MARCHF8: variants seen among roughly 807,000 people sequenced by gnomAD.
The protein encoded by MARCHF8 is membrane associated ring-CH-type finger 8, also known as E3 ubiquitin-protein ligase MARCHF8.
MARCHF8 carries 40 observed loss-of-function variants against 51.6 expected under a neutral mutation model. The observed-to-expected ratio is 0.77, with a 90% CI of 0.60 to 1.01. MARCHF8 has a LOEUF of 1.01. MARCHF8 is among the 50% of genes least tolerant of loss of function. The pLI is 0.00. For missense variants in MARCHF8, 685 were observed against 708.6 expected (o/e 0.97, Z 0.38); for synonymous variants, 263 against 280.3 (o/e 0.94, Z 0.62).
chr10:45,557,343 G>C (rs558267780), intron 1 of MARCHF8, among the ~76,000 whole-genome samples: 1 of 151,874 alleles, frequency 6.6e-6, no homozygotes, highest in East Asian at 1.9e-4. Context: ...TGGCCAGGCT[G>C]GTCTTGAACT....
chr10:45,488,876 C>T (rs1259874956), intron 3 of MARCHF8, among the ~76,000 whole-genome samples: 1 of 152,150 alleles, frequency 6.6e-6, no homozygotes, highest in Admixed American at 6.5e-5. Flanking sequence ...GCCTTCACCC[C>T]TTGTTCAGTT....
At chr10:45,526,804 A>G (rs2043801922) in intron 2 of MARCHF8, among the ~76,000 whole-genome samples, 2 of 152,192 alleles carry the variant, frequency 1.3e-5, no homozygotes, top group South Asian at 2.1e-4. Flanking sequence ...AAGCTACCCA[A>G]CAATCACAGA....
chr10:45,572,153 GGC>G (rs766177931), intron 1 of MARCHF8, among the ~76,000 whole-genome samples: 4,611 of 144,794 alleles, frequency 0.032, 239 homozygotes, highest in Middle Eastern at 0.036. Context: ...TTTCCTGGGG[GGC>G]AAGCACCCCT....
intron 6 of MARCHF8, 52 bp from the exon 7 acceptor site, chr10:45,459,319 G>A: frequency 6.3e-7 from 1 of 1,594,488 alleles, no homozygotes; most frequent in Non-Finnish European, 8.5e-7. Context: ...AAGGGCTCCG[G>A]TGGGGTGAGA....
In MARCHF8 at chr10:45,461,338, C is replaced by T. The variant is rs764974517; in HGVS notation, c.1162G>A (p.Val388Met). ...PCHCTGSLHF[V>M]HQACLQQWIK... Reference sequence around the variant, plus strand: ...CACTGCTGCAGGCAGGCCTGGTGCACGAAGTGGAGGCTTCCTGTGCAGTGG... The same window carrying T: ...CACTGCTGCAGGCAGGCCTGGTGCATGAAGTGGAGGCTTCCTGTGCAGTGG... The change falls in exon 6 of 8, where the codon GTG becomes ATG. Residue 388 changes from valine (V) to methionine (M), a missense_variant. Physicochemically the swap from Val to Met is conservative, Grantham distance 21 (BLOSUM62 1). Coordinates refer to ENST00000453424, the MANE Select transcript of MARCHF8 (RefSeq NM_001282866.2). 1.8e-5 allele frequency: 29 copies of T among 1,607,254 alleles called. No homozygotes were observed. The highest frequency in any genetic ancestry group is 2.2e-5 in the Non-Finnish European group (26 of 1,177,308).
intron 4 of MARCHF8, 50 bp downstream of exon 4, chr10:45,464,189 T>C (rs1215385508): frequency 1.9e-6 from 3 of 1,592,564 alleles, no homozygotes; most frequent in Non-Finnish European, 2.6e-6. Context: ...ACACTAATGC[T>C]TATTTCTGGC....
intron 1 of MARCHF8, among the ~76,000 whole-genome samples, chr10:45,563,112 C>G (rs2044328874): frequency 1.3e-5 from 2 of 152,082 alleles, no homozygotes; most frequent in African/African-American, 4.8e-5. Flanking sequence ...CTGCAGCCTC[C>G]AACTCCTGGG....
At chr10:45,485,483 T>C (rs946069840) in intron 3 of MARCHF8, among the ~76,000 whole-genome samples, 1 of 152,138 alleles carries the variant, frequency 6.6e-6, no homozygotes, top group Non-Finnish European at 1.5e-5. Context: ...TTCTATTAAC[T>C]CCTTAAGGGG....
At chr10:45,506,989 C>G (rs11239542) in intron 2 of MARCHF8, among the ~76,000 whole-genome samples, 1 of 152,124 alleles carries the variant, frequency 6.6e-6, no homozygotes, top group Non-Finnish European at 1.5e-5. Flanking sequence ...ATTTTTGCCA[C>G]TCTTGAGACT....
At chr10:45,474,030 T>C (rs2042742357) in intron 3 of MARCHF8, among the ~76,000 whole-genome samples, 1 of 152,206 alleles carries the variant, frequency 6.6e-6, no homozygotes, top group Non-Finnish European at 1.5e-5. Context: ...CCTAAGCTCC[T>C]TACTGTTCCC....
chr10:45,464,263 G>A lies in MARCHF8; in HGVS notation c.218C>T (p.Thr73Met), dbSNP rs777790919. 1.9e-6 allele frequency: 3 copies of A among 1,614,186 alleles called. No homozygotes were observed. Among genetic ancestry groups the A allele is most frequent in the Middle Eastern group, 1.6e-4 (1 of 6,062 alleles). ...CCTGCAGATGTCCTGGCTGGATGGC[G>A]TGATAGAAGTGCGAGAGAAGGAGGA... ...PVSSFSRTSI[T>M]PSSQDICSSS... is the part of the protein sequence containing the mutation. Residue 73 changes from threonine to methionine, a missense_variant, in exon 4 of 8, where the codon ACG becomes ATG. By Grantham distance (81) the Thr-to-Met change is moderately conservative. Transcript: ENST00000453424.
intron 2 of MARCHF8, among the ~76,000 whole-genome samples, chr10:45,495,129 AAAAAG>A (rs905317544): frequency 6.6e-6 from 1 of 152,124 alleles, no homozygotes; most frequent in African/African-American, 2.4e-5. Flanking sequence ...TCAAAAAAAA[AAAAAG>A]AAAAGAAAAA....
At chr10:45,476,949 A>C (rs950926439) in intron 3 of MARCHF8, among the ~76,000 whole-genome samples, 1 of 152,228 alleles carries the variant, frequency 6.6e-6, no homozygotes, top group African/African-American at 2.4e-5. Context: ...ACAAAATAAT[A>C]GCTGCAAACT....
chr10:45,527,332 T>C (rs2043810248), intron 2 of MARCHF8, among the ~76,000 whole-genome samples: 1 of 152,020 alleles, frequency 6.6e-6, no homozygotes, highest in African/African-American at 2.4e-5. Context: ...AACAAAAAGT[T>C]GCTTCACTGA....
intron 1 of MARCHF8, among the ~76,000 whole-genome samples, chr10:45,589,700 T>C (rs1443262118): frequency 6.6e-6 from 1 of 152,212 alleles, no homozygotes; most frequent in African/African-American, 2.4e-5. Context: ...TTTTATCACT[T>C]AGAATGTTTT....
exon 1 of MARCHF8, chr10:45,594,603 A>ACCCAGCCCAGCCCAGCCCAGCCCAG (rs61367647): frequency 2.7e-5 from 3 of 112,758 alleles, no homozygotes; most frequent in Non-Finnish European, 3.9e-5. Context: ...GGCCGCCCCC[A>ACCCAGCCCAGCCCAGCCCAGCCCAG]CCCAGCCCAG....
intron 3 of MARCHF8, among the ~76,000 whole-genome samples, chr10:45,472,338 T>G (rs1433929216): frequency 6.6e-6 from 1 of 152,230 alleles, no homozygotes; most frequent in Non-Finnish European, 1.5e-5. Context: ...CTGTTGCTGA[T>G]TGGTCTGGTA....
At chr10:45,551,936 T>A (rs1311514440) in intron 1 of MARCHF8, among the ~76,000 whole-genome samples, 1 of 152,142 alleles carries the variant, frequency 6.6e-6, no homozygotes, top group South Asian at 2.1e-4. Context: ...ATAGTTTAGA[T>A]CATTCCTTGC....
In MARCHF8 at chr10:45,457,559, G is replaced by C. The variant is rs1247006576; in HGVS notation, c.*680C>G. 6.6e-6 allele frequency: 1 copy of C among 152,638 alleles called. No homozygotes were observed. Among genetic ancestry groups the C allele is most frequent in the Non-Finnish European group, 1.5e-5 (1 of 68,036 alleles). The allele number at this position is 152,638 out of a possible 1,614,324, so 9.5% of individuals were successfully genotyped here. On this transcript the variant is annotated 3_prime_UTR_variant, in exon 8 of 8. Transcript: ENST00000453424. ...TTTTGATCTCTCATGATGTAAAGGA[G>C]ATACAAAGGTAAGGAAGGGAAGATT...
Sources: allele counts gnomAD v4.1 joint callset (sites outside exome capture counted in the v4.1 genomes callset), GRCh38; gene constraint gnomAD v4.1.1; transcripts MANE v1.5; gene names NCBI Gene and HGNC (gene_info 2026-07-23, HGNC 2026-07-21).